Variants in PDSS2 observed in about 807,000 individuals in gnomAD.
PDSS2 encodes all trans-polyprenyl-diphosphate synthase PDSS2.
Under a neutral mutation model 44.5 loss-of-function variants are expected in PDSS2, and 31 were observed. The ratio of observed to expected loss-of-function variants is 0.70; its 90% confidence interval spans 0.52 to 0.94. The LOEUF (loss-of-function observed/expected upper bound fraction) is 0.94, where lower values mean the gene tolerates loss of function less well. Among genes scored for constraint, PDSS2 ranks in the 40% least tolerant of loss-of-function variants. The pLI, the probability that PDSS2 is intolerant of heterozygous loss-of-function variation, is 0.00. For missense variants in PDSS2, 452 were observed against 482.2 expected, an observed-to-expected ratio of 0.94 and a Z score of 0.59; for synonymous variants, 157 against 180.3, an observed-to-expected ratio of 0.87 and a Z score of 1.03.
chr6:107,424,110 C>T (rs1359344597), intron 1 of PDSS2, among the ~76,000 whole-genome samples: 4 of 139,744 alleles, frequency 2.9e-5, no homozygotes, highest in East Asian at 4.0e-4. Flanking sequence ...GGTGCAATCA[C>T]GGCTCACTGC....
chr6:107,454,719 C>A (rs537022479), intron 1 of PDSS2, among the ~76,000 whole-genome samples: 39 of 151,888 alleles, frequency 2.6e-4, no homozygotes, highest in East Asian at 3.9e-4. Context: ...TCACCCCTAA[C>A]ATACCATGTA....
At chr6:107,284,094 C>T (rs914731000) in intron 2 of PDSS2, among the ~76,000 whole-genome samples, 8 of 151,824 alleles carry the variant, frequency 5.3e-5, no homozygotes, top group East Asian at 1.9e-4. Context: ...AATTGTGTTT[C>T]GCTATACGGA....
chr6:107,445,188 T>TTATATATA (rs60071847), intron 1 of PDSS2, among the ~76,000 whole-genome samples: 1 of 149,824 alleles, frequency 6.7e-6, no homozygotes. Flanking sequence ...ATTACATATT[T>TTATATATA]TATATATATA....
At chr6:107,168,859 T>G (rs1386393653) in intron 7 of PDSS2, among the ~76,000 whole-genome samples, 2 of 152,208 alleles carry the variant, frequency 1.3e-5, no homozygotes, top group Non-Finnish European at 2.9e-5. Context: ...GTTAGTCTGA[T>G]GGGCTTCCCT....
At chr6:107,322,873 TAAC>T (rs1427669340) in intron 2 of PDSS2, among the ~76,000 whole-genome samples, 2 of 152,026 alleles carry the variant, frequency 1.3e-5, no homozygotes, top group Non-Finnish European at 2.9e-5. Context: ...AGGGAAATCT[TAAC>T]AACAGAAAAG....
chr6:107,304,600 G>A (rs1776797996), intron 2 of PDSS2, among the ~76,000 whole-genome samples: 1 of 152,180 alleles, frequency 6.6e-6, no homozygotes, highest in Admixed American at 6.5e-5. Flanking sequence ...TCTGTAAAAT[G>A]GTGGTAACAA....
At chr6:107,321,968 G>A (rs1335620045) in intron 2 of PDSS2, among the ~76,000 whole-genome samples, 1 of 152,010 alleles carries the variant, frequency 6.6e-6, no homozygotes, top group Non-Finnish European at 1.5e-5. Context: ...CCAGTCCCTT[G>A]ATCACTACTT....
intron 1 of PDSS2, among the ~76,000 whole-genome samples, chr6:107,410,413 A>G (rs1013316573): frequency 1.3e-5 from 2 of 152,110 alleles, no homozygotes; most frequent in Non-Finnish European, 2.9e-5. Flanking sequence ...CACACCCATA[A>G]AACACTTTCC....
chr6:107,364,263 G>T (rs1202533467), intron 1 of PDSS2, among the ~76,000 whole-genome samples: 3 of 152,250 alleles, frequency 2.0e-5, no homozygotes, highest in Non-Finnish European at 4.4e-5. Context: ...GCCCTTGGGT[G>T]GTCGATGGGA....
chr6:107,425,718 T>C (rs1239492102), intron 1 of PDSS2, among the ~76,000 whole-genome samples: 1 of 152,130 alleles, frequency 6.6e-6, no homozygotes, highest in African/African-American at 2.4e-5. Flanking sequence ...TCCCAGCACT[T>C]TGGGAGGCCG....
chr6:107,168,051 T>C (rs1771419067), intron 7 of PDSS2, among the ~76,000 whole-genome samples: 2 of 152,182 alleles, frequency 1.3e-5, no homozygotes, highest in Non-Finnish European at 2.9e-5. Context: ...TCTGTCTTGT[T>C]GATCTGTCTA....
At chr6:107,441,460 T>C (rs1260152773) in intron 1 of PDSS2, among the ~76,000 whole-genome samples, 1 of 152,224 alleles carries the variant, frequency 6.6e-6, no homozygotes, top group African/African-American at 2.4e-5. Context: ...TACCTCATTA[T>C]TTCCTCTGCA....
At chr6:107,240,910 T>C (rs1236853727) in intron 4 of PDSS2, among the ~76,000 whole-genome samples, 2 of 151,996 alleles carry the variant, frequency 1.3e-5, no homozygotes, top group African/African-American at 4.8e-5. Flanking sequence ...TTTCAATGGA[T>C]AGAACAAAGG....
chr6:107,339,651 G>A (rs918484432), intron 1 of PDSS2, among the ~76,000 whole-genome samples: 1 of 152,138 alleles, frequency 6.6e-6, no homozygotes. Flanking sequence ...AACTTTGCAG[G>A]AAAGTCAGTC....
chr6:107,355,364 T>C (rs530852457), intron 1 of PDSS2, among the ~76,000 whole-genome samples: 18 of 152,310 alleles, frequency 1.2e-4, no homozygotes, highest in Non-Finnish European at 2.2e-4. Flanking sequence ...TATGGTTTAA[T>C]TGAAAAACAA....
intron 1 of PDSS2, among the ~76,000 whole-genome samples, chr6:107,442,171 C>T (rs1781528534): frequency 6.6e-6 from 1 of 152,216 alleles, no homozygotes; most frequent in Non-Finnish European, 1.5e-5. Context: ...AATCCCAACA[C>T]TTTGGGAGGC....
intron 3 of PDSS2, among the ~76,000 whole-genome samples, chr6:107,266,883 T>C (rs1286213462): frequency 1.3e-5 from 2 of 151,964 alleles, no homozygotes; most frequent in Non-Finnish European, 2.9e-5. Context: ...TTGATGGGAG[T>C]AAAGCTTCCA....
intron 1 of PDSS2, among the ~76,000 whole-genome samples, chr6:107,428,415 A>G (rs1781069787): frequency 6.6e-6 from 1 of 152,240 alleles, no homozygotes; most frequent in Admixed American, 6.5e-5. Flanking sequence ...TGACTAAGGC[A>G]AAGGTCAGGA....
intron 1 of PDSS2, among the ~76,000 whole-genome samples, chr6:107,358,400 T>C (rs1325391530): frequency 6.6e-6 from 1 of 152,238 alleles, no homozygotes; most frequent in Non-Finnish European, 1.5e-5. Flanking sequence ...CTATTTTTGA[T>C]GTTATTTCAA....
Sources: gnomAD v4.1 joint callset for allele counts (sites outside exome capture counted in the v4.1 genomes callset) on GRCh38, gnomAD v4.1.1 for gene constraint, MANE v1.5 for transcripts, NCBI Gene and HGNC (gene_info 2026-07-23, HGNC 2026-07-21) for gene names.